DIP2C: variants seen among roughly 807,000 people sequenced by gnomAD.
DIP2C encodes DIP2 acetate--CoA ligase C (putative), also known as disco-interacting protein 2 homolog C.
A neutral mutation model predicts 192.4 loss-of-function variants in DIP2C; 33 were observed. The observed-to-expected ratio is 0.17, with a 90% CI of 0.13 to 0.23. The LOEUF (loss-of-function observed/expected upper bound fraction) is 0.23, where lower values mean the gene tolerates loss of function less well. Among genes scored for constraint, DIP2C ranks in the 10% least tolerant of loss-of-function variants. DIP2C has a pLI of 1.00. For missense variants in DIP2C, 1,537 were observed against 2,110.1 expected (o/e 0.73, Z 5.32); for synonymous variants, 979 against 864.1 (o/e 1.13, Z -2.33).
intron 2 of DIP2C, among the ~76,000 whole-genome samples, chr10:477,825 G>C (rs1033003773): frequency 2.9e-5 from 4 of 136,092 alleles, no homozygotes; most frequent in African/African-American, 1.1e-4. Flanking sequence ...AAACAAGAGA[G>C]AAGGAGAAGG....
intron 33 of DIP2C, among the ~76,000 whole-genome samples, chr10:287,553 A>C (rs1955211774): frequency 1.3e-5 from 2 of 152,114 alleles, no homozygotes; most frequent in South Asian, 4.1e-4. Flanking sequence ...TGTTGGAACC[A>C]ACTCTGTGAA....
At chr10:337,438 G>GTGTGTGTGCACGTGTGTTGTGGAGGCCT (rs1957884992) in intron 29 of DIP2C, among the ~76,000 whole-genome samples, 1 of 147,298 alleles carries the variant, frequency 6.8e-6, no homozygotes, top group African/African-American at 2.5e-5. Context: ...GGCCTAGGCT[G>GTGTGTGTGCACGTGTGTTGTGGAGGCCT]ATTGTGTGTG....
intron 1 of DIP2C, among the ~76,000 whole-genome samples, chr10:589,121 T>TC (rs1336219092): frequency 6.6e-6 from 1 of 151,896 alleles, no homozygotes; most frequent in Non-Finnish European, 1.5e-5. Context: ...CAGGCCACCC[T>TC]CCCCGTCCTT....
intron 32 of DIP2C, among the ~76,000 whole-genome samples, chr10:304,706 CTCA>C (rs1956223979): frequency 6.6e-6 from 1 of 152,092 alleles, no homozygotes; most frequent in Admixed American, 6.5e-5. Flanking sequence ...CTAGCACAAA[CTCA>C]TCTGCATGCA....
chr10:332,655 GA>G (rs1957554603), intron 29 of DIP2C, among the ~76,000 whole-genome samples: 1 of 152,206 alleles, frequency 6.6e-6, no homozygotes, highest in South Asian at 2.1e-4. Flanking sequence ...CTGTTCTTCA[GA>G]TCTTAACTTC....
At position 363,462 on chromosome 10, in the gene DIP2C, CTCA is replaced by C; in HGVS notation, c.2478-154_2478-152del. The C allele has an allele frequency of 1.5e-6, 1 of 679,604 alleles. No homozygotes were observed. Among genetic ancestry groups the C allele is most frequent in the South Asian group, 1.8e-5 (1 of 56,882 alleles). The allele number at this position is 679,604 out of a possible 1,614,324, so 42.1% of individuals were successfully genotyped here. ...CGCTGTACTTCCGAATTTCCCCACA[CTCA>C]TCAGTACGGGAAGAACTGTGGGAGG... On this transcript the variant is annotated intron_variant, in intron 20 of 36. Transcript: ENST00000280886. This position sits in a 1 kb window ranked among gnomAD's most constrained non-coding sequence, Gnocchi z 5.4.
Position 689,474 on chromosome 10 carries a change from C to A in DIP2C, c.85+20G>T. ...TCCCCGGTGACAGCGCGGCCCGGCC[C>A]GGGGCGGGGGCCCGGTTACCTTCCG... On this transcript the variant is annotated intron_variant, in intron 1 of 36. Coordinates refer to ENST00000280886, the MANE Select transcript of DIP2C (RefSeq NM_014974.3). This position sits in a 1 kb window ranked among gnomAD's most constrained non-coding sequence, Gnocchi z 6.1. The A allele has an allele frequency of 8.5e-7, 1 of 1,176,926 alleles. No individual in the cohort carries two copies. Among genetic ancestry groups the A allele is most frequent in the Non-Finnish European group, 1.1e-6 (1 of 941,038 alleles). 72.9% of individuals were successfully genotyped at this position (1,176,926 alleles called of 1,614,324 possible).
chr10:680,746 G>T (rs1415922385), intron 1 of DIP2C, among the ~76,000 whole-genome samples: 1 of 152,232 alleles, frequency 6.6e-6, no homozygotes, highest in Non-Finnish European at 1.5e-5. Flanking sequence ...GTTCTGAATT[G>T]TTTTGCCTGT....
chr10:396,467 T>TA (rs1277309082), intron 10 of DIP2C, among the ~76,000 whole-genome samples: 1 of 152,168 alleles, frequency 6.6e-6, no homozygotes, highest in Non-Finnish European at 1.5e-5. Flanking sequence ...GAATAATTGT[T>TA]ACGAATAACA....
At chr10:302,189 C>T (rs186512827) in intron 32 of DIP2C, among the ~76,000 whole-genome samples, 24 of 152,132 alleles carry the variant, frequency 1.6e-4, no homozygotes, top group African/African-American at 5.6e-4. Context: ...GATAATTGTA[C>T]TGAGACTTAC....
At chr10:291,073 G>A (rs374004126) in intron 32 of DIP2C, among the ~76,000 whole-genome samples, 2 of 152,234 alleles carry the variant, frequency 1.3e-5, no homozygotes, top group South Asian at 2.1e-4. Flanking sequence ...ATCCCTGTGT[G>A]TTTTTACCTT....
chr10:406,842 G>C (rs1964840093), intron 9 of DIP2C, among the ~76,000 whole-genome samples: 1 of 152,016 alleles, frequency 6.6e-6, no homozygotes, highest in South Asian at 2.1e-4. Flanking sequence ...CAGTGCTGGA[G>C]GTATTCTGCA....
At chr10:682,802 T>C (rs1250139965) in intron 1 of DIP2C, among the ~76,000 whole-genome samples, 2 of 151,598 alleles carry the variant, frequency 1.3e-5, no homozygotes, top group East Asian at 1.9e-4. Flanking sequence ...CTCTCTCTGA[T>C]GCCAATGGAA....
At chr10:409,714 G>C (rs1965059241) in intron 8 of DIP2C, among the ~76,000 whole-genome samples, 2 of 152,202 alleles carry the variant, frequency 1.3e-5, no homozygotes, top group Admixed American at 1.3e-4. Flanking sequence ...AAACTGCCTC[G>C]AGAGGCTCCA....
intron 1 of DIP2C, among the ~76,000 whole-genome samples, chr10:508,403 C>T (rs899342717): frequency 1.3e-5 from 2 of 152,174 alleles, no homozygotes; most frequent in African/African-American, 4.8e-5. Flanking sequence ...CCCCCATCCT[C>T]GATTTCCTGG....
intron 1 of DIP2C, among the ~76,000 whole-genome samples, chr10:530,143 G>T (rs1433091629): frequency 2.6e-5 from 4 of 152,218 alleles, no homozygotes; most frequent in Non-Finnish European, 4.4e-5. Context: ...CCGTGAGCCG[G>T]GCTTTATTCC....
chr10:407,337 C>T (rs563918067), intron 9 of DIP2C, among the ~76,000 whole-genome samples: 1 of 152,196 alleles, frequency 6.6e-6, no homozygotes, highest in Admixed American at 6.5e-5. Context: ...CACATCTAGT[C>T]CGTGGATTTG....
At chr10:424,331 C>T (rs767775939) in intron 4 of DIP2C, among the ~76,000 whole-genome samples, 1 of 147,738 alleles carries the variant, frequency 6.8e-6, no homozygotes, top group Non-Finnish European at 1.5e-5. Context: ...ATGTTAAGAG[C>T]CTGAAAATTC....
At chr10:459,861 TCA>T (rs1969621323) in intron 3 of DIP2C, among the ~76,000 whole-genome samples, 1 of 126,468 alleles carries the variant, frequency 7.9e-6, no homozygotes, top group African/African-American at 3.3e-5. Context: ...GATCTTCCTC[TCA>T]CAGTCACATC....
Sources: allele counts gnomAD v4.1 joint callset (sites outside exome capture counted in the v4.1 genomes callset), GRCh38; gene constraint gnomAD v4.1.1; non-coding constraint Gnocchi (gnomAD v3.1); transcripts MANE v1.5; gene names NCBI Gene and HGNC (gene_info 2026-07-23, HGNC 2026-07-21).